Variants in GPC5 observed in about 807,000 individuals in gnomAD.
GPC5 encodes the protein glypican-5.
In GPC5, 47 loss-of-function variants were observed where a neutral mutation model predicts 53.9. The ratio of observed to expected loss-of-function variants is 0.87; its 90% CI spans 0.69 to 1.11. The LOEUF is 1.11. Ranked by LOEUF, GPC5 falls within the 50% of genes most tolerant of loss-of-function variation. The pLI is 0.00. For synonymous variants in GPC5, 286 were observed against 263.3 expected, an observed-to-expected ratio of 1.09 and a Z score of -0.84; for missense variants, 748 against 713.1, an observed-to-expected ratio of 1.05 and a Z score of -0.56.
At chr13:91,547,898 A>G (rs1441127852) in intron 2 of GPC5, among the ~76,000 whole-genome samples, 1 of 152,180 alleles carries the variant, frequency 6.6e-6, no homozygotes, top group Non-Finnish European at 1.5e-5. Flanking sequence ...CAGAAAATGC[A>G]TCTGACAAAA....
At chr13:92,527,247 AAGAG>A (rs10549640) in intron 7 of GPC5, among the ~76,000 whole-genome samples, 1 of 28,826 alleles carries the variant, frequency 3.5e-5, no homozygotes, top group Non-Finnish European at 6.9e-5. Flanking sequence ...GAAAGAAAGA[AAGAG>A]AAAGAAAGAA....
intron 7 of GPC5, among the ~76,000 whole-genome samples, chr13:92,594,325 G>A (rs761520092): frequency 2.0e-5 from 3 of 152,178 alleles, no homozygotes; most frequent in Non-Finnish European, 2.9e-5. Flanking sequence ...GGTTTGATAA[G>A]GGGTTAAAAG....
At chr13:92,425,657 T>C (rs964452350) in intron 7 of GPC5, among the ~76,000 whole-genome samples, 1 of 152,128 alleles carries the variant, frequency 6.6e-6, no homozygotes, top group African/African-American at 2.4e-5. Context: ...CTTCCTTCTT[T>C]TGGTTATACC....
chr13:92,036,690 C>A (rs2040895490), intron 6 of GPC5, among the ~76,000 whole-genome samples: 1 of 152,224 alleles, frequency 6.6e-6, no homozygotes, highest in South Asian at 2.1e-4. Context: ...TCACACTTAA[C>A]ATCTCTCAAA....
At chr13:92,715,619 A>G (rs1888304834) in intron 7 of GPC5, among the ~76,000 whole-genome samples, 1 of 152,184 alleles carries the variant, frequency 6.6e-6, no homozygotes, top group African/African-American at 2.4e-5. Flanking sequence ...GGATGTTTAT[A>G]CTTACTTTGG....
At chr13:91,770,242 C>T (rs1047226046) in intron 5 of GPC5, among the ~76,000 whole-genome samples, 2 of 152,160 alleles carry the variant, frequency 1.3e-5, no homozygotes, top group African/African-American at 4.8e-5. Flanking sequence ...ATGCCATCCT[C>T]CCAGCATTTT....
chr13:91,884,851 T>C (rs2039305269), intron 5 of GPC5, among the ~76,000 whole-genome samples: 2 of 152,168 alleles, frequency 1.3e-5, no homozygotes, highest in Admixed American at 6.5e-5. Flanking sequence ...ATGGAAAGTT[T>C]TTCCTTTCTC....
At chr13:91,956,542 A>G (rs2040075381) in intron 6 of GPC5, among the ~76,000 whole-genome samples, 1 of 151,994 alleles carries the variant, frequency 6.6e-6, no homozygotes, top group Non-Finnish European at 1.5e-5. Context: ...GTGCCCACTA[A>G]AACTGTATAC....
At chr13:92,758,549 G>T (rs1264948098) in intron 7 of GPC5, among the ~76,000 whole-genome samples, 1 of 152,070 alleles carries the variant, frequency 6.6e-6, no homozygotes, top group Non-Finnish European at 1.5e-5. Flanking sequence ...ATCATGGGCC[G>T]AAAATTATGA....
At chr13:92,556,691 T>G (rs1361515189) in intron 7 of GPC5, among the ~76,000 whole-genome samples, 4 of 151,846 alleles carry the variant, frequency 2.6e-5, no homozygotes, top group South Asian at 2.1e-4. Context: ...ATTTTTTCCT[T>G]TTTTTCTAAA....
chr13:92,117,715 A>C (rs2041612190), intron 6 of GPC5, among the ~76,000 whole-genome samples: 2 of 152,168 alleles, frequency 1.3e-5, no homozygotes. Flanking sequence ...ATTCATAAAC[A>C]CTTTATTTTT....
chr13:92,437,613 C>T (rs1427280525), intron 7 of GPC5, among the ~76,000 whole-genome samples: 3 of 152,026 alleles, frequency 2.0e-5, no homozygotes, highest in African/African-American at 7.2e-5. Context: ...AGGAAGTATG[C>T]TATATTATTT....
chr13:91,705,883 C>CTTT (rs11411010), intron 3 of GPC5, among the ~76,000 whole-genome samples: 253 of 134,260 alleles, frequency 1.9e-3, no homozygotes, highest in African/African-American at 6.5e-3. Context: ...TCTTTCTTTT[C>CTTT]TTTTTTTTTT....
chr13:91,766,110 C>T (rs1025048879), intron 5 of GPC5, among the ~76,000 whole-genome samples: 1 of 152,174 alleles, frequency 6.6e-6, no homozygotes, highest in Admixed American at 6.5e-5. Flanking sequence ...AAGTCCATCT[C>T]TCATGTAGAC....
At chr13:92,390,744 T>G (rs1030119285) in intron 7 of GPC5, among the ~76,000 whole-genome samples, 1 of 152,188 alleles carries the variant, frequency 6.6e-6, no homozygotes. Flanking sequence ...AAAAAGCAAT[T>G]TTTCAGAAGA....
rs757639351 is a variant in GPC5 at position 91,572,243 on chromosome 13, G to GTA, written c.326-120935_326-120934dup. Among the ~76,000 whole-genome samples, 3 of 140,768 alleles carry GTA rather than the reference G, an allele frequency of 2.1e-5. No individual in the cohort carries two copies. The East Asian group carries it at 6.1e-4, about 28-fold the overall frequency. 92.3% of individuals were successfully genotyped at this position (140,768 alleles called of 152,430 possible). On this transcript the variant is annotated intron_variant, in intron 2 of 7. Coordinates refer to ENST00000377067, the MANE Select transcript of GPC5 (RefSeq NM_004466.6). ...TATATACACATATGTATATACATGT[G>GTA]TATATATATACACATATGTATATAC...
intron 7 of GPC5, among the ~76,000 whole-genome samples, chr13:92,724,348 C>G (rs1277151969): frequency 6.6e-6 from 1 of 151,542 alleles, no homozygotes; most frequent in Non-Finnish European, 1.5e-5. Context: ...ACAAACAAAA[C>G]ACTTACCTTC....
chr13:91,451,656 C>G (rs1325084263), intron 2 of GPC5, among the ~76,000 whole-genome samples: 1 of 151,292 alleles, frequency 6.6e-6, no homozygotes, highest in Non-Finnish European at 1.5e-5. Context: ...CTTGTTCTGT[C>G]ACCCAGGCTA....
At chr13:91,633,366 G>T (rs1337216457) in intron 2 of GPC5, among the ~76,000 whole-genome samples, 3 of 152,038 alleles carry the variant, frequency 2.0e-5, no homozygotes, top group Non-Finnish European at 2.9e-5. Flanking sequence ...TTGGTAGTGG[G>T]TAAGTACTGG....
Sources: allele counts gnomAD v4.1 joint callset (sites outside exome capture counted in the v4.1 genomes callset), GRCh38; gene constraint gnomAD v4.1.1; transcripts MANE v1.5; gene names NCBI Gene and HGNC (gene_info 2026-07-23, HGNC 2026-07-21).